The following MDGA2 variants were observed in gnomAD, a reference collection of about 807,000 sequenced individuals.
MDGA2 encodes the protein MAM domain containing glycosylphosphatidylinositol anchor 2, also known as MAM domain-containing glycosylphosphatidylinositol anchor protein 2.
A neutral mutation model predicts 117.8 loss-of-function variants in MDGA2; 40 were observed. The ratio of observed to expected loss-of-function variants is 0.34; its 90% CI spans 0.26 to 0.44. The LOEUF (loss-of-function observed/expected upper bound fraction) is 0.44, where lower values mean the gene tolerates loss of function less well. Ranked by LOEUF, MDGA2 falls within the 20% of genes least tolerant of loss-of-function variation. The pLI is 1.00. For synonymous variants in MDGA2, 452 were observed against 439.0 expected (o/e 1.03, Z -0.37); for missense variants, 1,123 against 1,250.6 (o/e 0.90, Z 1.54).
intron 3 of MDGA2, among the ~76,000 whole-genome samples, chr14:47,205,560 GATTTC>G (rs1488860927): frequency 6.6e-6 from 1 of 151,794 alleles, no homozygotes; most frequent in African/African-American, 2.4e-5. Context: ...CATTCTAGAT[GATTTC>G]TGCTTAATGT....
chr14:47,031,288 T>C (rs1232273679), intron 8 of MDGA2, among the ~76,000 whole-genome samples: 2 of 152,040 alleles, frequency 1.3e-5, no homozygotes, highest in Admixed American at 1.3e-4. Context: ...ATTGATGTCC[T>C]ACATACAATT....
intron 1 of MDGA2, among the ~76,000 whole-genome samples, chr14:47,541,320 A>G (rs896904818): frequency 6.6e-6 from 1 of 152,232 alleles, no homozygotes; most frequent in African/African-American, 2.4e-5. Flanking sequence ...GAAGAATCCA[A>G]AAATAAAACC....
rs1200773365 is a variant in MDGA2 at position 47,567,149 on chromosome 14, C to A, written c.280+107368G>T. On this transcript the variant is annotated intron_variant, in intron 1 of 16. Transcript: ENST00000399232. ...CTCATGGGCTCAAGTGATCCTCCCA[C>A]CTCAGCCTCCCAAAGTGCTGGGACT... is the stretch of plus-strand genomic sequence containing the variant. 2.0e-5 allele frequency among the ~76,000 whole-genome samples: 3 copies of A among 151,990 alleles called. No individual in the cohort carries two copies. In the East Asian group the frequency reaches 5.8e-4, roughly 30 times the overall value.
intron 1 of MDGA2, among the ~76,000 whole-genome samples, chr14:47,618,745 G>C (rs1447583797): frequency 1.3e-5 from 2 of 152,094 alleles, no homozygotes; most frequent in Non-Finnish European, 2.9e-5. Context: ...ATTAGATTGA[G>C]TTTAAAAGCA....
intron 2 of MDGA2, among the ~76,000 whole-genome samples, chr14:47,277,405 C>T (rs1481204755): frequency 6.6e-6 from 1 of 152,148 alleles, no homozygotes. Context: ...CCATTTTTAT[C>T]ACCTTGATTT....
chr14:46,914,049 T>C (rs983538751), intron 10 of MDGA2, among the ~76,000 whole-genome samples: 4 of 152,158 alleles, frequency 2.6e-5, no homozygotes, highest in African/African-American at 9.6e-5. Flanking sequence ...TGTATTTCTA[T>C]GGCTGAATAT....
At position 47,008,163 on chromosome 14, in the gene MDGA2, G is replaced by A. The variant is rs185975748; in HGVS notation, c.1819+26848C>T. Reference sequence around the variant, plus strand: ...TATATATAAATTATGTGGACCAGGGGACCTATGTTTTAGAAATGTGTATGT... The same window carrying A: ...TATATATAAATTATGTGGACCAGGGAACCTATGTTTTAGAAATGTGTATGT... On this transcript the variant is annotated intron_variant, in intron 8 of 16. Transcript: ENST00000399232. 4.0e-3 allele frequency among the ~76,000 whole-genome samples: 605 copies of A among 151,928 alleles called. 3 individuals carry two copies. Among genetic ancestry groups the A allele is most frequent in the Non-Finnish European group, 5.4e-3 (369 of 67,848 alleles).
intron 1 of MDGA2, among the ~76,000 whole-genome samples, chr14:47,350,851 G>A (rs1890862858): frequency 6.6e-6 from 1 of 152,190 alleles, no homozygotes; most frequent in Non-Finnish European, 1.5e-5. Flanking sequence ...AGTGGGAAAA[G>A]GATAGTCAAA....
At chr14:47,031,704 A>C (rs1195270642) in intron 8 of MDGA2, among the ~76,000 whole-genome samples, 1 of 152,162 alleles carries the variant, frequency 6.6e-6, no homozygotes, top group African/African-American at 2.4e-5. Flanking sequence ...TTTCTCATGA[A>C]TGGGTTAAGC....
intron 1 of MDGA2, among the ~76,000 whole-genome samples, chr14:47,434,134 AATC>A (rs1195748805): frequency 7.2e-5 from 11 of 152,112 alleles, no homozygotes; most frequent in African/African-American, 2.7e-4. Context: ...TATTTTAGGA[AATC>A]ATCATTTAAG....
At chr14:47,131,080 A>AT (rs1158533758) in intron 5 of MDGA2, among the ~76,000 whole-genome samples, 1 of 151,912 alleles carries the variant, frequency 6.6e-6, no homozygotes, top group Non-Finnish European at 1.5e-5. Flanking sequence ...ACCAGTTCAA[A>AT]TTTTAATTTA....
At chr14:47,380,631 G>A (rs1389622259) in intron 1 of MDGA2, among the ~76,000 whole-genome samples, 3 of 151,850 alleles carry the variant, frequency 2.0e-5, no homozygotes, top group Non-Finnish European at 4.4e-5. Flanking sequence ...TAAATTCCTC[G>A]ACACATAGAC....
intron 1 of MDGA2, among the ~76,000 whole-genome samples, chr14:47,341,896 T>TGG (rs1194751504): frequency 4.6e-5 from 7 of 152,076 alleles, no homozygotes; most frequent in Admixed American, 4.6e-4. Context: ...TGGAGTGCAG[T>TGG]GGTCTGATTT....
intron 8 of MDGA2, among the ~76,000 whole-genome samples, chr14:47,030,281 G>A (rs1888615473): frequency 6.6e-6 from 1 of 152,066 alleles, no homozygotes; most frequent in Admixed American, 6.6e-5. Context: ...TTGGGAGGCT[G>A]AGGTTGGTGG....
At chr14:47,298,032 A>G (rs545429929) in intron 2 of MDGA2, among the ~76,000 whole-genome samples, 68 of 152,298 alleles carry the variant, frequency 4.5e-4, no homozygotes, top group Non-Finnish European at 7.2e-4. Context: ...ATACACACAC[A>G]GAATATATGT....
chr14:47,559,402 C>A (rs937234599), intron 1 of MDGA2, among the ~76,000 whole-genome samples: 38 of 152,114 alleles, frequency 2.5e-4, no homozygotes, highest in African/African-American at 9.2e-4. Context: ...CCATGTTCCT[C>A]CTGCAAAGCG....
At chr14:47,156,003 A>G (rs900624349) in intron 3 of MDGA2, among the ~76,000 whole-genome samples, 8 of 136,136 alleles carry the variant, frequency 5.9e-5, no homozygotes. Context: ...TCCGCCTCCC[A>G]GGTTAAGCGA....
At position 47,589,234 on chromosome 14, in the gene MDGA2, T is replaced by A. The variant is rs6572436; in HGVS notation, c.280+85283A>T. 8.6e-5 allele frequency among the ~76,000 whole-genome samples: 13 copies of A among 151,902 alleles called. No individual in the cohort carries two copies. In the East Asian group the frequency reaches 2.1e-3, roughly 25 times the overall value. ...CTTTTGTCACTTATGCTTTTGATGTTGTTTCTAAGAAATCATTGCCTAACC... is the reference window on the plus strand; with the variant it reads ...CTTTTGTCACTTATGCTTTTGATGTAGTTTCTAAGAAATCATTGCCTAACC... On this transcript the variant is annotated intron_variant, in intron 1 of 16. Coordinates refer to ENST00000399232, the MANE Select transcript of MDGA2 (RefSeq NM_001113498.3).
intron 1 of MDGA2, among the ~76,000 whole-genome samples, chr14:47,392,141 A>C (rs1236209544): frequency 3.3e-5 from 5 of 152,178 alleles, no homozygotes; most frequent in Admixed American, 2.0e-4. Context: ...TAAAGAACTG[A>C]GTGAATAATG....
Sources: gnomAD v4.1 joint callset for allele counts (sites outside exome capture counted in the v4.1 genomes callset) on GRCh38, gnomAD v4.1.1 for gene constraint, MANE v1.5 for transcripts, NCBI Gene and HGNC (gene_info 2026-07-23, HGNC 2026-07-21) for gene names.